EFCAB8: variants seen among roughly 807,000 people sequenced by gnomAD.
The protein encoded by EFCAB8 is EF-hand calcium-binding domain-containing protein 8.
A neutral mutation model predicts 116.3 loss-of-function variants in EFCAB8; 100 were observed. The ratio of observed to expected loss-of-function variants is 0.86; its 90% CI spans 0.73 to 1.02. EFCAB8 has a LOEUF of 1.02. Among genes scored for constraint, EFCAB8 ranks in the 50% least tolerant of loss-of-function variants. The pLI, the probability that EFCAB8 is intolerant of heterozygous loss-of-function variation, is 0.00. For missense variants in EFCAB8, 1,320 were observed against 1,416.9 expected (o/e 0.93, Z 1.10); for synonymous variants, 558 against 567.9 (o/e 0.98, Z 0.25).
In EFCAB8 at chr20:32,897,298, C is replaced by T. The variant is rs146819549; in HGVS notation, c.957+771C>T. Among the ~76,000 whole-genome samples, 3 of 152,276 alleles carry T rather than the reference C, an allele frequency of 2.0e-5. No individual in the cohort carries two copies. In the East Asian group the frequency reaches 5.8e-4, roughly 29 times the overall value. Reference sequence around the variant, plus strand: ...CACGAGATCGACAGCTCCTCAACGGCAGCGGCTTCGTGCTCTCGGTTGTCT... The same window carrying T: ...CACGAGATCGACAGCTCCTCAACGGTAGCGGCTTCGTGCTCTCGGTTGTCT... On this transcript the variant is annotated intron_variant, in intron 10 of 26. Coordinates refer to ENST00000400522, the MANE Select transcript of EFCAB8 (RefSeq NM_001143967.2).
chr20:32,905,759 C>CTAAAAAAAAAAAAAA (rs1555858685), intron 11 of EFCAB8, among the ~76,000 whole-genome samples: 1 of 71,504 alleles, frequency 1.4e-5, no homozygotes, highest in Non-Finnish European at 2.8e-5. Context: ...GACTCCATCT[C>CTAAAAAAAAAAAAAA]AAAAAAAAAA....
intron 20 of EFCAB8, 126 bp downstream of exon 20, chr20:32,920,341 G>C (rs1987393023): frequency 7.6e-7 from 1 of 1,319,854 alleles, no homozygotes; most frequent in African/African-American, 1.5e-5. Flanking sequence ...TGCCCGGAAG[G>C]CATCTTGGAG....
chr20:32,939,133 TTC>T (rs1491143689), intron 22 of EFCAB8, among the ~76,000 whole-genome samples: 4 of 20,676 alleles, frequency 1.9e-4, no homozygotes, highest in African/African-American at 1.3e-3. Flanking sequence ...TTCTCTTTCT[TTC>T]TTTCTTTCTT....
rs1989136676 is a variant in EFCAB8, at chr20:32,961,173, A to G, written c.3431A>G (p.Asp1144Gly). The G allele has an allele frequency of 6.4e-7, 1 of 1,552,218 alleles. No homozygotes were observed. Among genetic ancestry groups the G allele is most frequent in the Non-Finnish European group, 8.7e-7 (1 of 1,147,100 alleles). Residue 1144 changes from aspartate to glycine, a missense_variant, in exon 27 of 27, where the codon GAT becomes GGT. Transcript: ENST00000400522. ...PQVYQSLHFSDLMPTQQPDFL... is the reference protein window; with the variant it reads ...PQVYQSLHFSGLMPTQQPDFL... ...GTCTACCAAAGCCTGCACTTCAGTG[A>G]TCTGATGCCGACTCAGCAGCCTGAC... is the stretch of plus-strand genomic sequence containing the variant.
chr20:32,916,885 A>G (rs891516433), intron 17 of EFCAB8, among the ~76,000 whole-genome samples: 7 of 151,934 alleles, frequency 4.6e-5, no homozygotes, highest in Admixed American at 4.6e-4. Context: ...GTGGAGTGCA[A>G]TCTGAAGCGT....
intron 5 of EFCAB8, among the ~76,000 whole-genome samples, chr20:32,883,373 CCAGGAAATG>C (rs1472115294): frequency 6.6e-6 from 1 of 152,084 alleles, no homozygotes; most frequent in East Asian, 1.9e-4. Context: ...GTCGTAAGCC[CCAGGAAATG>C]CTCCACAGAG....
intron 17 of EFCAB8, among the ~76,000 whole-genome samples, chr20:32,914,004 C>T (rs1363633477): frequency 6.6e-6 from 1 of 152,244 alleles, no homozygotes; most frequent in Non-Finnish European, 1.5e-5. Context: ...CATGGTGGCT[C>T]TATGCCTGGG....
chr20:32,908,201 AC>A lies in EFCAB8; in HGVS notation c.1309-69del, dbSNP rs1301516014. 60 of 1,240,692 alleles carry A rather than the reference AC, an allele frequency of 4.8e-5. No individual in the cohort carries two copies. The East Asian group carries it at 1.9e-3, about 39-fold the overall frequency. The allele number at this position is 1,240,692 out of a possible 1,614,324, so 76.9% of individuals were successfully genotyped here. A position where few individuals can be genotyped will look rare whatever the true frequency, so the allele number is the denominator to read the frequency against. ...TGCCCTGGCCTTGTTCGCCGGAGGC[AC>A]CCCCGAGGCTTCAGGAGCCGGCTAC... On this transcript the variant is annotated intron_variant, in intron 13 of 26. Transcript: ENST00000400522.
intron 22 of EFCAB8, among the ~76,000 whole-genome samples, chr20:32,939,080 CTTTCTTT>C (rs1988243714): frequency 7.8e-6 from 1 of 127,922 alleles, no homozygotes; most frequent in African/African-American, 3.0e-5. Context: ...TCCCCAACTT[CTTTCTTT>C]TTTCTTTTCC....
chr20:32,866,801 C>G (rs980753671), intron 2 of EFCAB8, among the ~76,000 whole-genome samples: 4 of 144,278 alleles, frequency 2.8e-5, no homozygotes, highest in Non-Finnish European at 6.0e-5. Context: ...CCTTCCCTCC[C>G]TCCCTCCCTC....
intron 17 of EFCAB8, among the ~76,000 whole-genome samples, 185 bp downstream of exon 17, chr20:32,913,049 C>T (rs917161689): frequency 6.6e-6 from 1 of 152,168 alleles, no homozygotes; most frequent in African/African-American, 2.4e-5. Context: ...CTAATATATT[C>T]TTGGCCTTTT....
intron 5 of EFCAB8, among the ~76,000 whole-genome samples, chr20:32,881,789 G>A (rs924155419): frequency 6.6e-6 from 1 of 152,178 alleles, no homozygotes; most frequent in African/African-American, 2.4e-5. Context: ...TTTACCATGA[G>A]ACAATATAGC....
At chr20:32,941,679 T>G (rs578242792) in intron 22 of EFCAB8, among the ~76,000 whole-genome samples, 1 of 152,272 alleles carries the variant, frequency 6.6e-6, no homozygotes, top group South Asian at 2.1e-4. Flanking sequence ...TTAAAGTAGA[T>G]TAGTGGTTTC....
intron 20 of EFCAB8, among the ~76,000 whole-genome samples, chr20:32,929,768 C>A (rs116926098): frequency 2.6e-5 from 4 of 152,146 alleles, no homozygotes; most frequent in Non-Finnish European, 1.5e-5. Flanking sequence ...CTCTACCACC[C>A]TCACTATGCT....
chr20:32,862,573 T>A (rs1008297368), intron 1 of EFCAB8, among the ~76,000 whole-genome samples: 1 of 152,182 alleles, frequency 6.6e-6, no homozygotes, highest in African/African-American at 2.4e-5. Flanking sequence ...ACTGCTAGAT[T>A]AGAGCATTCT....
intron 5 of EFCAB8, among the ~76,000 whole-genome samples, chr20:32,883,783 C>T (rs1454603076): frequency 3.3e-5 from 5 of 152,048 alleles, no homozygotes; most frequent in African/African-American, 7.2e-5. Context: ...CTCTGTCTCC[C>T]GGGTTCAAGC....
chr20:32,893,870 C>T (rs558214775), intron 9 of EFCAB8, among the ~76,000 whole-genome samples: 6 of 152,244 alleles, frequency 3.9e-5, no homozygotes, highest in East Asian at 3.9e-4. Context: ...AGGGAGGAGC[C>T]GCTGCTGCAG....
intron 24 of EFCAB8, 52 bp from the exon 25 acceptor site, chr20:32,959,726 C>T: frequency 7.4e-7 from 1 of 1,356,570 alleles, no homozygotes; most frequent in South Asian, 1.5e-5. Flanking sequence ...CTGGGAGGGT[C>T]ACCCTGCTTT....
rs758972722 is a variant in EFCAB8 at position 32,897,907 on chromosome 20, C to T, written c.958-586C>T. Among the ~76,000 whole-genome samples, 27 of 152,324 alleles carry T rather than the reference C, an allele frequency of 1.8e-4. 1 individual carries two copies. The highest frequency in any genetic ancestry group is 2.5e-4 in the Non-Finnish European group (17 of 68,032). On this transcript the variant is annotated intron_variant, in intron 10 of 26. Transcript: ENST00000400522. ...CTCTCCAACCCGCCTTTTCCATTCT[C>T]GTCACAGAGAGGAAAATCTCTAGAT...
Sources: allele counts gnomAD v4.1 joint callset (sites outside exome capture counted in the v4.1 genomes callset), GRCh38; gene constraint gnomAD v4.1.1; transcripts MANE v1.5; gene names NCBI Gene and HGNC (gene_info 2026-07-23, HGNC 2026-07-21).